Variants in SPMIP2 observed in about 807,000 individuals in gnomAD.
The protein encoded by SPMIP2 is protein SPMIP2.
At chr4:158,921,868 C>T in the SPMIP2 span, among the ~76,000 whole-genome samples, 1 of 150,076 alleles carries the variant, frequency 6.7e-6, no homozygotes, top group Admixed American at 6.8e-5. Flanking sequence ...AACCTGGCTC[C>T]CATTCCTTCT....
chr4:159,068,158 G>A, the SPMIP2 span, among the ~76,000 whole-genome samples: 1 of 152,116 alleles, frequency 6.6e-6, no homozygotes, highest in Admixed American at 6.6e-5. Flanking sequence ...TCCCATTACT[G>A]GGTATATACC....
chr4:158,931,201 C>T, the SPMIP2 span, among the ~76,000 whole-genome samples: 1 of 152,032 alleles, frequency 6.6e-6, no homozygotes, highest in Non-Finnish European at 1.5e-5. Context: ...TACTCTTGAG[C>T]TCCTCTAGTA....
chr4:158,904,320 C>T, the SPMIP2 span: 55 of 659,716 alleles, frequency 8.3e-5, no homozygotes, highest in African/African-American at 8.4e-4. Context: ...ATTATCCTTC[C>T]ATCTGTTTTG....
the SPMIP2 span, among the ~76,000 whole-genome samples, chr4:158,982,430 A>G: frequency 6.6e-6 from 1 of 152,244 alleles, no homozygotes; most frequent in Non-Finnish European, 1.5e-5. Context: ...CATTCTTCTC[A>G]GCACCACATA....
chr4:158,905,150 T>C, the SPMIP2 span: 1 of 152,474 alleles, frequency 6.6e-6, no homozygotes, highest in Non-Finnish European at 1.5e-5. Context: ...GGAAGAGTGC[T>C]TTAGGGACCC....
At chr4:159,008,019 T>A in the SPMIP2 span, among the ~76,000 whole-genome samples, 1 of 152,198 alleles carries the variant, frequency 6.6e-6, no homozygotes, top group Non-Finnish European at 1.5e-5. Flanking sequence ...GGAGGATTTC[T>A]TGAGCCTAGG....
chr4:158,944,045 A>G, the SPMIP2 span, among the ~76,000 whole-genome samples: 14 of 151,688 alleles, frequency 9.2e-5, no homozygotes, highest in East Asian at 5.8e-4. Context: ...TAGTAGAGAC[A>G]GGGTTTCACC....
chr4:158,997,903 C>A, the SPMIP2 span, among the ~76,000 whole-genome samples: 1 of 152,168 alleles, frequency 6.6e-6, no homozygotes, highest in Non-Finnish European at 1.5e-5. Flanking sequence ...GTGATCCTCC[C>A]ACATCGGCCT....
At chr4:158,895,770 T>C in the SPMIP2 span, 3 of 1,611,860 alleles carry the variant, frequency 1.9e-6, no homozygotes, top group Non-Finnish European at 2.5e-6. Flanking sequence ...ATCTTGAAGA[T>C]AGACTACAGG....
the SPMIP2 span, chr4:158,973,390 T>G: frequency 1.2e-6 from 1 of 817,772 alleles, no homozygotes; most frequent in Admixed American, 2.7e-5. Context: ...GTTGAAATAC[T>G]AATAGCCAAT....
the SPMIP2 span, among the ~76,000 whole-genome samples, chr4:158,998,029 T>G: frequency 6.6e-6 from 1 of 152,168 alleles, no homozygotes; most frequent in Non-Finnish European, 1.5e-5. Context: ...GTAAATGTTT[T>G]AGGCTTGCAG....
At chr4:158,903,791 A>C in the SPMIP2 span, among the ~76,000 whole-genome samples, 6 of 152,350 alleles carry the variant, frequency 3.9e-5, no homozygotes, top group Admixed American at 2.0e-4. Context: ...ATAGTCCACA[A>C]ACTGAAACAG....
the SPMIP2 span, among the ~76,000 whole-genome samples, chr4:158,937,004 T>A: frequency 6.6e-6 from 1 of 152,276 alleles, no homozygotes; most frequent in East Asian, 1.9e-4. Flanking sequence ...CGAGAGAGCA[T>A]ATCTTGAAGG....
At chr4:158,966,917 C>T in the SPMIP2 span, among the ~76,000 whole-genome samples, 2 of 152,138 alleles carry the variant, frequency 1.3e-5, no homozygotes, top group African/African-American at 2.4e-5. Flanking sequence ...AGAGAAAGCC[C>T]TGTGCTTAGT....
the SPMIP2 span, among the ~76,000 whole-genome samples, chr4:158,971,260 T>G: frequency 6.6e-6 from 1 of 152,190 alleles, no homozygotes; most frequent in African/African-American, 2.4e-5. Context: ...ACAAAAGTTC[T>G]GGACTTTATT....
chr4:158,943,858 C>CTTTTTTTT, the SPMIP2 span, among the ~76,000 whole-genome samples: 3,525 of 101,744 alleles, frequency 0.035, 343 homozygotes, highest in Non-Finnish European at 0.044. Context: ...TTGACATTTT[C>CTTTTTTTT]TTTTTTTTTT....
chr4:158,904,861 T>A, the SPMIP2 span: 1 of 275,526 alleles, frequency 3.6e-6, no homozygotes, highest in Non-Finnish European at 7.1e-6. Context: ...TGCCTTGTGC[T>A]GTTTGGGCAG....
At chr4:158,991,265 A>G in the SPMIP2 span, among the ~76,000 whole-genome samples, 3 of 152,244 alleles carry the variant, frequency 2.0e-5, no homozygotes, top group African/African-American at 7.2e-5. Context: ...TTTCTTTTCC[A>G]AAAGTTAACC....
At chr4:158,940,362 A>G in the SPMIP2 span, among the ~76,000 whole-genome samples, 6 of 152,172 alleles carry the variant, frequency 3.9e-5, no homozygotes, top group Admixed American at 6.5e-5. Flanking sequence ...GAAATTCACC[A>G]TATGAACTTG....
Sources: gnomAD v4.1 joint callset for allele counts (sites outside exome capture counted in the v4.1 genomes callset) on GRCh38, gnomAD v4.1.1 for gene constraint, MANE v1.5 for transcripts, NCBI Gene and HGNC (gene_info 2026-07-23, HGNC 2026-07-21) for gene names.